The following C4orf50 variants were observed in gnomAD, a reference collection of about 807,000 sequenced individuals.
C4orf50 encodes uncharacterized protein C4orf50.
C4orf50 carries 80 observed loss-of-function variants against 77.2 expected under a neutral mutation model. The observed-to-expected ratio is 1.04, with a 90% CI of 0.87 to 1.25. C4orf50 has a LOEUF of 1.25. Among genes scored for constraint, C4orf50 ranks in the 50% most tolerant of loss-of-function variants. The pLI, the probability that C4orf50 is intolerant of heterozygous loss-of-function variation, is 0.00. For synonymous variants in C4orf50, 532 were observed against 465.3 expected (o/e 1.14, Z -1.84); for missense variants, 1,257 against 1,152.9 (o/e 1.09, Z -1.31).
At position 5,975,139 on chromosome 4, in the gene C4orf50, C is replaced by CAAA. The variant is rs763836859; in HGVS notation, c.3921+757_3921+759dup. On this transcript the variant is annotated intron_variant, in intron 30 of 33. Coordinates refer to ENST00000531445, the Ensembl canonical transcript of C4orf50. ...TGGGCGACAGAGTGACACTCCATCT[C>CAAA]AAAAAAAAAAAAAAAAAAAAAAAAA... Among the ~76,000 whole-genome samples the CAAA allele has an allele frequency of 1.2e-4, 10 of 82,870 alleles. 2 individuals are homozygous for CAAA. Among genetic ancestry groups the CAAA allele is most frequent in the Non-Finnish European group, 2.2e-4 (9 of 41,530 alleles). 54.4% of individuals were successfully genotyped at this position (82,870 alleles called of 152,430 possible).
intron 7 of C4orf50, among the ~76,000 whole-genome samples, chr4:5,939,719 A>G (rs1718181810): frequency 2.0e-5 from 3 of 152,054 alleles, no homozygotes; most frequent in African/African-American, 7.2e-5. Flanking sequence ...ATCCCCATCA[A>G]TGGTCATTGC....
rs1225543312 is a variant in C4orf50, at chr4:6,009,676, A to G, written c.427-1144T>C. ...CTTCATATGCAAATGCTTACTGGAA[A>G]CATTGGCAGCAACAAAGCAAAACTG... On this transcript the variant is annotated intron_variant, in intron 24 of 33. Coordinates refer to ENST00000531445, the Ensembl canonical transcript of C4orf50. The surrounding 1 kb of genome is among the most constrained non-coding windows in gnomAD (Gnocchi z 5.6). Among the ~76,000 whole-genome samples, 1 of 152,220 alleles carries G rather than the reference A, an allele frequency of 6.6e-6. No individual in the cohort carries two copies. Among genetic ancestry groups the G allele is most frequent in the African/African-American group, 2.4e-5 (1 of 41,450 alleles).
At chr4:5,953,052 G>A (rs1228622223), downstream of C4orf50, among the ~76,000 whole-genome samples, 1 of 152,186 alleles carries the variant, frequency 6.6e-6, no homozygotes, top group African/African-American at 2.4e-5. Flanking sequence ...GTCCTGCATG[G>A]GGTGTGCTAG....
At chr4:5,991,350 A>G (rs1048532483) in intron 27 of C4orf50, among the ~76,000 whole-genome samples, 3 of 152,218 alleles carry the variant, frequency 2.0e-5, no homozygotes, top group African/African-American at 7.2e-5. Flanking sequence ...TGGGCAGTGC[A>G]GATGCAGACT....
At chr4:5,899,225 T>G (rs1577864565) in intron 7 of C4orf50, 2 of 152,346 alleles carry the variant, frequency 1.3e-5, no homozygotes, top group East Asian at 1.9e-4. Context: ...TTGCCATTGG[T>G]GCACATGCCG....
rs1002019794 is a variant in C4orf50 at position 5,919,629 on chromosome 4, C to G, written c.*2475-21441G>C. On this transcript the variant is annotated intron_variant, in intron 7 of 7. Coordinates refer to the C4orf50 transcript ENST00000324058. The surrounding 1 kb of genome is among the most constrained non-coding windows in gnomAD (Gnocchi z 6.5). Reference sequence around the variant, plus strand: ...AACCACCCTGACCCCAAGGCATTAACCCCAGGTCAGCAAACGCCACACTGA... The same window carrying G: ...AACCACCCTGACCCCAAGGCATTAAGCCCAGGTCAGCAAACGCCACACTGA... Among the ~76,000 whole-genome samples, 2 of 152,182 alleles carry G rather than the reference C, an allele frequency of 1.3e-5. No individual in the cohort carries two copies. The highest frequency in any genetic ancestry group is 1.3e-4 in the Admixed American group (2 of 15,288).
intron 25 of C4orf50, among the ~76,000 whole-genome samples, chr4:6,004,232 GTGATGA>G (rs1430261732): frequency 0.068 from 2,743 of 40,384 alleles, no homozygotes; most frequent in Middle Eastern, 0.13. Flanking sequence ...TGATGTGATG[GTGATGA>G]TGATGGTGAT....
chr4:5,991,098 C>G (rs1266500425), intron 27 of C4orf50, among the ~76,000 whole-genome samples: 1 of 152,210 alleles, frequency 6.6e-6, no homozygotes, highest in Non-Finnish European at 1.5e-5. Context: ...AAGGCCCTCC[C>G]TGACCGCTCT....
rs1310382261 is a variant in C4orf50, at chr4:5,919,885, A to T, written c.*2475-21697T>A. Among the ~76,000 whole-genome samples the T allele has an allele frequency of 2.6e-5, 4 of 152,196 alleles. No homozygotes were observed. Among genetic ancestry groups the T allele is most frequent in the Non-Finnish European group, 5.9e-5 (4 of 68,042 alleles). On this transcript the variant is annotated intron_variant, in intron 7 of 7. Transcript: ENST00000324058. This position sits in a 1 kb window ranked among gnomAD's most constrained non-coding sequence, Gnocchi z 6.5. ...CTCCCTATCCATGGGTTCCACATCC[A>T]TCGATTCAACCAACCAGGGATTGAA...
chr4:6,014,072 G>A (rs1722594998), intron 23 of C4orf50, among the ~76,000 whole-genome samples: 1 of 150,550 alleles, frequency 6.6e-6, no homozygotes, highest in African/African-American at 2.4e-5. Context: ...GCGTGATCTC[G>A]GCTCACCACA....
chr4:5,967,560 C>G, intron 31 of C4orf50, 98 bp from the exon 10 acceptor site: 1 of 1,172,556 alleles, frequency 8.5e-7, no homozygotes, highest in Non-Finnish European at 1.3e-6. Flanking sequence ...CATCACCCCT[C>G]CCCGCAAAAA....
chr4:6,015,977 G>A lies in C4orf50; in HGVS notation c.287+2168C>T, dbSNP rs1430093818. Among the ~76,000 whole-genome samples the A allele has an allele frequency of 9.9e-5, 15 of 152,192 alleles. No homozygotes were observed. Among genetic ancestry groups the A allele is most frequent in the South Asian group, 2.1e-4 (1 of 4,828 alleles). ...AGTCCCAGCCTGCGTGAGTGTGCGC[G>A]TGGGTGTGAGTGTCCTGTTCAGGCC... On this transcript the variant is annotated intron_variant, in intron 23 of 33. Transcript: ENST00000531445. This position sits in a 1 kb window ranked among gnomAD's most constrained non-coding sequence, Gnocchi z 4.4.
Position 5,932,306 on chromosome 4 carries a change from T to G in C4orf50, c.*2474+24595A>C, listed in dbSNP as rs1247498163. Among the ~76,000 whole-genome samples the G allele has an allele frequency of 6.6e-6, 1 of 152,170 alleles. No homozygotes were observed. The highest frequency in any genetic ancestry group is 6.5e-5 in the Admixed American group (1 of 15,276). ...GGAGCACGCACATGAGTAGCGAGGC[T>G]GGGCTCCGTAAAGAATCCAGCCATC... is the stretch of plus-strand genomic sequence containing the variant. On this transcript the variant is annotated intron_variant, in intron 7 of 7. Coordinates refer to the C4orf50 transcript ENST00000324058. The surrounding 1 kb of genome is among the most constrained non-coding windows in gnomAD (Gnocchi z 4.2).
At chr4:5,944,200 A>G (rs961352850) in intron 7 of C4orf50, among the ~76,000 whole-genome samples, 1 of 152,136 alleles carries the variant, frequency 6.6e-6, no homozygotes, top group African/African-American at 2.4e-5. Context: ...ACAGTCTCTA[A>G]GCTCCCTTCT....
At chr4:5,971,035 C>T (rs1719878170) in intron 31 of C4orf50, among the ~76,000 whole-genome samples, 1 of 152,188 alleles carries the variant, frequency 6.6e-6, no homozygotes, top group Non-Finnish European at 1.5e-5. Flanking sequence ...CGTCTCAGGA[C>T]ACTGTGAGCA....
intron 7 of C4orf50, among the ~76,000 whole-genome samples, chr4:5,912,302 G>C (rs1048319481): frequency 1.4e-5 from 2 of 142,910 alleles, no homozygotes; most frequent in Non-Finnish European, 3.1e-5. Context: ...TGTATTTGGG[G>C]AAGACATACA....
At position 5,967,066 on chromosome 4, in the gene C4orf50, A is replaced by G. The variant is rs542089877; in HGVS notation, c.4153+348T>C. 5.9e-4 allele frequency among the ~76,000 whole-genome samples: 90 copies of G among 152,328 alleles called. 1 individual carries two copies. Among genetic ancestry groups the G allele is most frequent in the South Asian group, 6.2e-4 (3 of 4,830 alleles). ...TCACTGATTATATGGGTTCATTAACAATACTGAGGGTTCCTCCCAGTTTTT... is the reference window on the plus strand; with the variant it reads ...TCACTGATTATATGGGTTCATTAACGATACTGAGGGTTCCTCCCAGTTTTT... On this transcript the variant is annotated intron_variant, in intron 32 of 33. Transcript: ENST00000531445.
chr4:5,988,311 G>A (rs968281217), intron 28 of C4orf50, 36 bp downstream of exon 6: 5 of 1,599,166 alleles, frequency 3.1e-6, no homozygotes, highest in Non-Finnish European at 4.3e-6. Context: ...ACAGAGTCAT[G>A]CGTGATGAGT....
chr4:5,930,596 C>T (rs1022235205), intron 7 of C4orf50, among the ~76,000 whole-genome samples: 3 of 152,164 alleles, frequency 2.0e-5, no homozygotes, highest in African/African-American at 4.8e-5. Context: ...TCACTGTGGG[C>T]GTGTGTGCAG....
Sources: allele counts gnomAD v4.1 joint callset (sites outside exome capture counted in the v4.1 genomes callset), GRCh38; gene constraint gnomAD v4.1.1; non-coding constraint Gnocchi (gnomAD v3.1); transcripts MANE v1.5; gene names NCBI Gene and HGNC (gene_info 2026-07-23, HGNC 2026-07-21).